The following IKZF1 variants were observed in gnomAD, a reference collection of about 807,000 sequenced individuals.
IKZF1 encodes IKAROS family zinc finger 1, also known as DNA-binding protein Ikaros.
In IKZF1, 10 loss-of-function variants were observed where a neutral mutation model predicts 51.7. The ratio of observed to expected loss-of-function variants is 0.19; its 90% CI spans 0.12 to 0.33. The LOEUF (loss-of-function observed/expected upper bound fraction) is 0.33, where lower values mean the gene tolerates loss of function less well. IKZF1 is among the 10% of genes least tolerant of loss of function. IKZF1 has a pLI of 1.00. For missense variants in IKZF1, 484 were observed against 707.5 expected, an observed-to-expected ratio of 0.68 and a Z score of 3.58; for synonymous variants, 280 against 282.3, an observed-to-expected ratio of 0.99 and a Z score of 0.08.
chr7:50,361,745 G>A (rs1297778205), intron 3 of IKZF1, among the ~76,000 whole-genome samples: 8 of 152,200 alleles, frequency 5.3e-5, no homozygotes, highest in East Asian at 1.9e-4. Flanking sequence ...GCATGGTGGT[G>A]CGCGCCTGTA....
At chr7:50,338,424 G>A (rs1798282800) in intron 3 of IKZF1, among the ~76,000 whole-genome samples, 1 of 152,114 alleles carries the variant, frequency 6.6e-6, no homozygotes, top group African/African-American at 2.4e-5. Flanking sequence ...CATCTGTGTT[G>A]AAAGAATAGT....
At chr7:50,350,318 T>G (rs1289632283) in intron 3 of IKZF1, among the ~76,000 whole-genome samples, 1 of 152,182 alleles carries the variant, frequency 6.6e-6, no homozygotes, top group African/African-American at 2.4e-5. Flanking sequence ...TGACTCTGTT[T>G]CTCAAGAAGC....
chr7:50,376,363 C>A lies in IKZF1; in HGVS notation c.161-170C>A, dbSNP rs890012287. 6.6e-6 allele frequency among the ~76,000 whole-genome samples: 1 copy of A among 152,248 alleles called. No homozygotes were observed. The highest frequency in any genetic ancestry group is 6.5e-5 in the Admixed American group (1 of 15,288). On this transcript the variant is annotated intron_variant, in intron 3 of 7. Coordinates refer to ENST00000331340, the MANE Select transcript of IKZF1 (RefSeq NM_006060.6). The surrounding 1 kb of genome is among the most constrained non-coding windows in gnomAD (Gnocchi z 4.5). ...TCCCGAGGCCTGCCACCGAAGCCCA[C>A]TCAAGGCTGAATGCACGGCGAGCTC... is the stretch of plus-strand genomic sequence containing the variant.
chr7:50,392,889 G>T (rs1267203528), intron 7 of IKZF1, among the ~76,000 whole-genome samples: 2 of 152,180 alleles, frequency 1.3e-5, no homozygotes, highest in Admixed American at 1.3e-4. Context: ...GGACATGACG[G>T]AGGAGCAGGG....
intron 2 of IKZF1, 139 bp from the exon 3 acceptor site, chr7:50,327,499 G>T (rs1795329532): frequency 1.1e-6 from 1 of 930,152 alleles, no homozygotes; most frequent in Admixed American, 3.3e-5. Context: ...AAAGAAAAAG[G>T]TATATGCATC....
At chr7:50,329,371 A>ATATCATT (rs974622903) in intron 3 of IKZF1, among the ~76,000 whole-genome samples, 45 of 152,360 alleles carry the variant, frequency 3.0e-4, no homozygotes, top group Middle Eastern at 3.4e-3. Context: ...AAAGATACAT[A>ATATCATT]TATCATTTCA....
intron 1 of IKZF1, among the ~76,000 whole-genome samples, chr7:50,316,468 G>A (rs1584417908): frequency 1.3e-5 from 2 of 152,204 alleles, no homozygotes; most frequent in South Asian, 2.1e-4. Context: ...GCCCACGTGC[G>A]AAAATGCAGA....
Position 50,402,818 on chromosome 7 carries a change from C to T in IKZF1, c.*2191C>T. Reference sequence around the variant, plus strand: ...ACGGGAATAAACAAAATTGCTGCACCAATGCACTGAGTGAAGGAAGAGAGA... The same window carrying T: ...ACGGGAATAAACAAAATTGCTGCACTAATGCACTGAGTGAAGGAAGAGAGA... On this transcript the variant is annotated 3_prime_UTR_variant, in exon 8 of 8. Transcript: ENST00000331340. The T allele has an allele frequency of 4.3e-6, 1 of 230,294 alleles. No individual in the cohort carries two copies. The highest frequency in any genetic ancestry group is 2.2e-5 in the African/African-American group (1 of 45,282). 14.3% of individuals were successfully genotyped at this position (230,294 alleles called of 1,614,324 possible). A position where few individuals can be genotyped will look rare whatever the true frequency, so the allele number is the denominator to read the frequency against.
intron 4 of IKZF1, 110 bp from the exon 5 acceptor site, chr7:50,382,430 G>A (rs1217726268): frequency 2.1e-6 from 3 of 1,415,070 alleles, no homozygotes; most frequent in Non-Finnish European, 2.8e-6. Flanking sequence ...TATCAAACCT[G>A]CAGCCGGTGG....
rs558370484 is a variant in IKZF1 at position 50,353,582 on chromosome 7, T to C, written c.161-22951T>C. The stretch of plus-strand genomic sequence containing the variant: ...TCCAGTGATGCAGGAGAGGACATCC[T>C]GGCCGGAAGAGTCAGAGCTTCCAGG... On this transcript the variant is annotated intron_variant, in intron 3 of 7. Coordinates refer to ENST00000331340, the MANE Select transcript of IKZF1 (RefSeq NM_006060.6). Among the ~76,000 whole-genome samples, 9 of 152,350 alleles carry C rather than the reference T, an allele frequency of 5.9e-5. No individual in the cohort carries two copies. The East Asian group carries it at 1.5e-3, about 26-fold the overall frequency.
chr7:50,403,416 T>C lies in IKZF1; in HGVS notation c.*2789T>C, dbSNP rs1313687305. ...TGTACTACTGTGTGCCTAGATTCCATGCACTCTCGTTGTGTTTGAAGTAAA... is the reference window on the plus strand; with the variant it reads ...TGTACTACTGTGTGCCTAGATTCCACGCACTCTCGTTGTGTTTGAAGTAAA... On this transcript the variant is annotated 3_prime_UTR_variant, in exon 8 of 8. Coordinates refer to ENST00000331340, the MANE Select transcript of IKZF1 (RefSeq NM_006060.6). 4.5e-6 allele frequency: 1 copy of C among 222,700 alleles called. No individual in the cohort carries two copies. The highest frequency in any genetic ancestry group is 9.0e-6 in the Non-Finnish European group (1 of 111,430). 13.8% of individuals were successfully genotyped at this position (222,700 alleles called of 1,614,324 possible). A position where few individuals can be genotyped will look rare whatever the true frequency, so the allele number is the denominator to read the frequency against.
chr7:50,382,412 T>C (rs1812089740), intron 4 of IKZF1, 128 bp from the exon 5 acceptor site: 1 of 1,342,946 alleles, frequency 7.4e-7, no homozygotes, highest in African/African-American at 1.5e-5. Flanking sequence ...TCTGAAAGCC[T>C]CATGTTCTAT....
chr7:50,325,092 G>T (rs905147715), intron 2 of IKZF1, among the ~76,000 whole-genome samples: 1 of 152,036 alleles, frequency 6.6e-6, no homozygotes, highest in Non-Finnish European at 1.5e-5. Flanking sequence ...AGGCCAGAAG[G>T]CTCCATGGTC....
At chr7:50,315,556 C>T (rs538112232) in intron 1 of IKZF1, among the ~76,000 whole-genome samples, 67 of 152,364 alleles carry the variant, frequency 4.4e-4, no homozygotes, top group African/African-American at 1.6e-3. Context: ...AAGAATTGCA[C>T]AGGTAAAAGG....
intron 1 of IKZF1, among the ~76,000 whole-genome samples, chr7:50,306,646 G>C (rs1030312885): frequency 6.6e-6 from 1 of 152,194 alleles, no homozygotes; most frequent in African/African-American, 2.4e-5. Context: ...GATCAGCTGT[G>C]GCCGTTTGTA....
intron 3 of IKZF1, among the ~76,000 whole-genome samples, chr7:50,330,284 G>A (rs1055067360): frequency 4.9e-4 from 74 of 152,304 alleles, no homozygotes; most frequent in African/African-American, 1.7e-3. Context: ...AAACCTCTTT[G>A]CTTTGCTTGT....
At chr7:50,316,334 C>T (rs1367092788) in intron 1 of IKZF1, among the ~76,000 whole-genome samples, 1 of 152,190 alleles carries the variant, frequency 6.6e-6, no homozygotes, top group Non-Finnish European at 1.5e-5. Flanking sequence ...CATGAAGCCC[C>T]CTGCTGTCAG....
chr7:50,341,976 G>GA lies in IKZF1; in HGVS notation c.160+14231dup, dbSNP rs1303120762. Among the ~76,000 whole-genome samples, 679 of 141,646 alleles carry GA rather than the reference G, an allele frequency of 4.8e-3. 2 individuals are homozygous for GA. Among genetic ancestry groups the GA allele is most frequent in the African/African-American group, 0.012 (462 of 38,856 alleles). 92.9% of individuals were successfully genotyped at this position (141,646 alleles called of 152,430 possible). ...AAGAACTGTGTGTCATTATATTGTG[G>GA]AAAAAAAAAAAACTTTTTAGATTAA... On this transcript the variant is annotated intron_variant, in intron 3 of 7. Coordinates refer to ENST00000331340, the MANE Select transcript of IKZF1 (RefSeq NM_006060.6).
intron 2 of IKZF1, among the ~76,000 whole-genome samples, chr7:50,325,074 A>G (rs1403658130): frequency 6.6e-6 from 1 of 152,098 alleles, no homozygotes; most frequent in Non-Finnish European, 1.5e-5. Flanking sequence ...TCATTGGGAT[A>G]GCATGTCAGG....
Sources: allele counts gnomAD v4.1 joint callset (sites outside exome capture counted in the v4.1 genomes callset), GRCh38; gene constraint gnomAD v4.1.1; non-coding constraint Gnocchi (gnomAD v3.1); transcripts MANE v1.5; gene names NCBI Gene and HGNC (gene_info 2026-07-23, HGNC 2026-07-21).